The following ANO4 variants were observed in gnomAD, a reference collection of about 807,000 sequenced individuals.
ANO4 encodes anoctamin-4.
In ANO4, 69 loss-of-function variants were observed where a neutral mutation model predicts 141.9. The observed-to-expected ratio is 0.49, with a 90% CI of 0.40 to 0.59. The LOEUF is 0.59. Ranked by LOEUF, ANO4 falls within the 20% of genes least tolerant of loss-of-function variation. ANO4 has a pLI of 0.00. For missense variants in ANO4, 894 were observed against 1,162.2 expected (o/e 0.77, Z 3.36); for synonymous variants, 350 against 394.3 (o/e 0.89, Z 1.33).
intron 1 of ANO4, among the ~76,000 whole-genome samples, chr12:100,812,521 A>G (rs2035504996): frequency 6.6e-6 from 1 of 152,182 alleles, no homozygotes; most frequent in Non-Finnish European, 1.5e-5. Flanking sequence ...CATACATAAT[A>G]ATATGAAGTA....
At chr12:101,066,596 A>T in intron 14 of ANO4, 1 of 505,924 alleles carries the variant, frequency 2.0e-6, no homozygotes. Context: ...TGACGAAAGA[A>T]ATGGAAGAGG....
At chr12:100,938,757 G>A (rs1468654877) in intron 3 of ANO4, among the ~76,000 whole-genome samples, 2 of 152,116 alleles carry the variant, frequency 1.3e-5, no homozygotes, top group East Asian at 1.9e-4. Context: ...TTCAGGATAA[G>A]AGGAAGAAAA....
chr12:101,005,986 G>A (rs1042120373), intron 8 of ANO4, among the ~76,000 whole-genome samples: 1 of 151,882 alleles, frequency 6.6e-6, no homozygotes, highest in African/African-American at 2.4e-5. Flanking sequence ...TCTTGGTTGT[G>A]TATACCTAGC....
At chr12:101,103,254 C>T (rs2050283303) in intron 22 of ANO4, among the ~76,000 whole-genome samples, 1 of 135,468 alleles carries the variant, frequency 7.4e-6, no homozygotes, top group South Asian at 2.2e-4. Flanking sequence ...CCTAAATGCA[C>T]TAAGACCTTT....
At chr12:100,744,656 T>C (rs1023745564) in intron 3 of ANO4, among the ~76,000 whole-genome samples, 1 of 152,142 alleles carries the variant, frequency 6.6e-6, no homozygotes, top group Admixed American at 6.5e-5. Context: ...GTGTTTTGGG[T>C]TAACCCCCTC....
In ANO4 at chr12:101,042,434, T is replaced by C; in HGVS notation, c.1120T>C (p.Tyr374His). Reference protein sequence around the residue: ...AAFIGLFVFLYGVTTLDHSQV... With the variant: ...AAFIGLFVFLHGVTTLDHSQV... ...CTTCATTGGATTGTTTGTCTTTTTG[T>C]ATGGCGTCACCACTCTGGATCACAG... The change falls in exon 12 of 28, where the codon TAT becomes CAT. Residue 374 changes from tyrosine to histidine, a missense_variant. Transcript: ENST00000392977. The C allele has an allele frequency of 6.2e-7, 1 of 1,614,156 alleles. No individual in the cohort carries two copies. Among genetic ancestry groups the C allele is most frequent in the Non-Finnish European group, 8.5e-7 (1 of 1,180,008 alleles).
chr12:100,811,927 C>T (rs1425845212), intron 1 of ANO4, among the ~76,000 whole-genome samples: 1 of 152,166 alleles, frequency 6.6e-6, no homozygotes, highest in Admixed American at 6.5e-5. Flanking sequence ...TAACTGGCCC[C>T]TGTTTTGTAT....
At chr12:100,758,423 G>A (rs887445375) in intron 3 of ANO4, among the ~76,000 whole-genome samples, 2 of 152,116 alleles carry the variant, frequency 1.3e-5, no homozygotes, top group Non-Finnish European at 2.9e-5. Context: ...CAAAGCAAGG[G>A]GAGGCATAAC....
At chr12:101,034,509 G>A (rs1000719619) in intron 9 of ANO4, among the ~76,000 whole-genome samples, 13 of 152,068 alleles carry the variant, frequency 8.5e-5, no homozygotes, top group Non-Finnish European at 7.4e-5. Flanking sequence ...GTGAGGGGAT[G>A]GAAGTTAGAG....
At chr12:100,891,341 T>C (rs2040095226) in intron 1 of ANO4, among the ~76,000 whole-genome samples, 1 of 152,208 alleles carries the variant, frequency 6.6e-6, no homozygotes, top group South Asian at 2.1e-4. Context: ...AATACCAAGG[T>C]GCATGATTGC....
chr12:100,891,671 C>T (rs2040113851), intron 1 of ANO4, among the ~76,000 whole-genome samples: 1 of 151,938 alleles, frequency 6.6e-6, no homozygotes, highest in Non-Finnish European at 1.5e-5. Flanking sequence ...TCATTTATAA[C>T]ATAAAGTTTT....
intron 2 of ANO4, among the ~76,000 whole-genome samples, chr12:100,921,550 A>T (rs1383615161): frequency 6.6e-6 from 1 of 152,184 alleles, no homozygotes; most frequent in Non-Finnish European, 1.5e-5. Context: ...ATTGTTCGTG[A>T]TAAAGCTACT....
intron 1 of ANO4, among the ~76,000 whole-genome samples, chr12:100,725,597 C>G (rs7975404): frequency 6.6e-6 from 1 of 151,928 alleles, no homozygotes; most frequent in African/African-American, 2.4e-5. Context: ...CCACCCGCCT[C>G]GGCCTCCCAA....
At chr12:101,037,814 A>G (rs1442697882) in intron 10 of ANO4, among the ~76,000 whole-genome samples, 2 of 152,192 alleles carry the variant, frequency 1.3e-5, no homozygotes, top group African/African-American at 4.8e-5. Context: ...TGGCACCCCT[A>G]CTGTGGTCAC....
intron 3 of ANO4, among the ~76,000 whole-genome samples, chr12:100,927,477 A>G (rs1471293670): frequency 6.6e-6 from 1 of 152,070 alleles, no homozygotes; most frequent in African/African-American, 2.4e-5. Context: ...TTTTTTAATC[A>G]CCAAAGTTTT....
intron 17 of ANO4, among the ~76,000 whole-genome samples, chr12:101,093,596 C>T (rs2049862933): frequency 6.6e-6 from 1 of 152,042 alleles, no homozygotes; most frequent in Non-Finnish European, 1.5e-5. Context: ...CTGGATTTAC[C>T]CTAGACTATA....
intron 3 of ANO4, among the ~76,000 whole-genome samples, chr12:100,773,093 G>A (rs2033365607): frequency 6.6e-6 from 1 of 152,218 alleles, no homozygotes; most frequent in South Asian, 2.1e-4. Flanking sequence ...TAGAGGCTGA[G>A]AAGTCCATGA....
At chr12:100,942,581 C>G in intron 5 of ANO4, 46 bp downstream of exon 5, 1 of 1,567,812 alleles carries the variant, frequency 6.4e-7, no homozygotes, top group Non-Finnish European at 8.6e-7. Flanking sequence ...CATATCTATT[C>G]ATATGAAGAG....
chr12:100,938,688 G>A (rs995538922), intron 3 of ANO4, among the ~76,000 whole-genome samples: 3 of 152,144 alleles, frequency 2.0e-5, no homozygotes, highest in Non-Finnish European at 2.9e-5. Flanking sequence ...ATATTGACAT[G>A]TTATTAACGT....
Sources: allele counts gnomAD v4.1 joint callset (sites outside exome capture counted in the v4.1 genomes callset), GRCh38; gene constraint gnomAD v4.1.1; transcripts MANE v1.5; gene names NCBI Gene and HGNC (gene_info 2026-07-23, HGNC 2026-07-21).